NEGR1: variants seen among roughly 807,000 people sequenced by gnomAD.
The protein encoded by NEGR1 is neuronal growth regulator 1.
In NEGR1, 10 loss-of-function variants were observed where a neutral mutation model predicts 40.9. The observed-to-expected ratio is 0.24, with a 90% CI of 0.15 to 0.42. The LOEUF (loss-of-function observed/expected upper bound fraction) is 0.42. Ranked by LOEUF, NEGR1 falls within the 10% of genes least tolerant of loss-of-function variation. The pLI is 1.00. For synonymous variants in NEGR1, 185 were observed against 166.8 expected (o/e 1.11, Z -0.84); for missense variants, 352 against 438.9 (o/e 0.80, Z 1.77).
Position 71,592,899 on chromosome 1 carries a change from G to A in NEGR1, c.858C>T (p.Asn286=), listed in dbSNP as rs752179905. The change falls in exon 6 of 7, where the codon AAC becomes AAT. Residue 286 remains asparagine, a synonymous_variant. Coordinates refer to ENST00000357731, the MANE Select transcript of NEGR1 (RefSeq NM_173808.3). ...FSTRSILTVT[N]VTQEHFGNYT... ...AATTGCCGAAGTGCTCCTGTGTCAC[G>A]TTGGTAACAGTGAGAATGGATCTTG... is the stretch of plus-strand genomic sequence containing the variant. The A allele has an allele frequency of 7.5e-6, 12 of 1,609,244 alleles. No homozygotes were observed. Among genetic ancestry groups the A allele is most frequent in the African/African-American group, 1.3e-5 (1 of 74,926 alleles).
intron 1 of NEGR1, among the ~76,000 whole-genome samples, chr1:72,036,684 T>A (rs930363992): frequency 8.0e-5 from 12 of 150,430 alleles, no homozygotes; most frequent in Non-Finnish European, 1.6e-4. Flanking sequence ...AATATTAAAT[T>A]ACACAAATGG....
intron 4 of NEGR1, among the ~76,000 whole-genome samples, chr1:71,639,818 T>C (rs1233645741): frequency 2.0e-5 from 3 of 151,912 alleles, no homozygotes; most frequent in Non-Finnish European, 4.4e-5. Flanking sequence ...TCATGATACA[T>C]TAGTAGAGGG....
chr1:71,596,811 C>T (rs532198718), intron 5 of NEGR1, among the ~76,000 whole-genome samples: 1 of 152,062 alleles, frequency 6.6e-6, no homozygotes, highest in South Asian at 2.1e-4. Flanking sequence ...AGACTTCATT[C>T]CTAATGTAGG....
At chr1:71,779,672 A>G (rs901991190) in intron 2 of NEGR1, among the ~76,000 whole-genome samples, 1 of 151,822 alleles carries the variant, frequency 6.6e-6, no homozygotes, top group African/African-American at 2.4e-5. Context: ...GGTTGAAGTG[A>G]TTCTCCTGCC....
chr1:71,749,053 C>T (rs1047532525), intron 3 of NEGR1, among the ~76,000 whole-genome samples: 5 of 152,120 alleles, frequency 3.3e-5, no homozygotes, highest in Non-Finnish European at 7.4e-5. Flanking sequence ...AAGAATGATG[C>T]TTTCAATATT....
intron 1 of NEGR1, among the ~76,000 whole-genome samples, chr1:72,204,167 C>T (rs575475021): frequency 3.3e-5 from 5 of 152,088 alleles, no homozygotes; most frequent in East Asian, 1.9e-4. Flanking sequence ...AAAGTTACAC[C>T]GTGACAACTT....
intron 6 of NEGR1, among the ~76,000 whole-genome samples, chr1:71,502,998 C>T (rs1202963252): frequency 6.6e-6 from 1 of 152,010 alleles, no homozygotes; most frequent in East Asian, 1.9e-4. Context: ...GAAAAAGGAA[C>T]CAGAAATTCT....
intron 5 of NEGR1, among the ~76,000 whole-genome samples, chr1:71,601,223 G>C (rs1053128094): frequency 6.6e-6 from 1 of 152,096 alleles, no homozygotes; most frequent in Non-Finnish European, 1.5e-5. Context: ...AAAATGCTCA[G>C]CTTCACTAAT....
At position 72,117,351 on chromosome 1, in the gene NEGR1, C is replaced by T. The variant is rs1442047569; in HGVS notation, c.176+164968G>A. Reference sequence around the variant, plus strand: ...GATCCTTAAGCACAAGCCTCACTGGCTGCATTAGTTCCTCTATTATTCATA... The same window carrying T: ...GATCCTTAAGCACAAGCCTCACTGGTTGCATTAGTTCCTCTATTATTCATA... On this transcript the variant is annotated intron_variant, in intron 1 of 6. Coordinates refer to ENST00000357731, the MANE Select transcript of NEGR1 (RefSeq NM_173808.3). Among the ~76,000 whole-genome samples, 12 of 151,732 alleles carry T rather than the reference C, an allele frequency of 7.9e-5. No individual in the cohort carries two copies. In the Admixed American group the frequency reaches 7.9e-4, roughly 10 times the overall value.
intron 1 of NEGR1, among the ~76,000 whole-genome samples, chr1:72,019,246 T>C (rs1421015390): frequency 2.6e-5 from 4 of 152,170 alleles, no homozygotes; most frequent in Admixed American, 6.5e-5. Context: ...CTTAAAATAG[T>C]ATGGTAAAAT....
rs763692692 is a variant in NEGR1, at chr1:71,790,235, T to C, written c.410-13938A>G. Among the ~76,000 whole-genome samples the C allele has an allele frequency of 2.5e-4, 38 of 152,228 alleles. No homozygotes were observed. The Middle Eastern group carries it at 0.02, about 82-fold the overall frequency. On this transcript the variant is annotated intron_variant, in intron 2 of 6. Transcript: ENST00000357731. Reference sequence around the variant, plus strand: ...TAACTGGTCATGCCACTACAACTTGTATTGGTGGTAGATTCATGTCTATAT... The same window carrying C: ...TAACTGGTCATGCCACTACAACTTGCATTGGTGGTAGATTCATGTCTATAT...
chr1:71,735,012 G>C (rs1198026659), intron 3 of NEGR1, among the ~76,000 whole-genome samples: 1 of 151,808 alleles, frequency 6.6e-6, no homozygotes, highest in Admixed American at 6.6e-5. Flanking sequence ...GGAAATCTCT[G>C]TTACTCTGTT....
At chr1:71,915,142 AAAAT>A (rs1299388962) in intron 2 of NEGR1, among the ~76,000 whole-genome samples, 1 of 152,134 alleles carries the variant, frequency 6.6e-6, no homozygotes, top group Non-Finnish European at 1.5e-5. Flanking sequence ...TGACTGGACT[AAAAT>A]AAAAATAAAA....
rs150157930 is a variant in NEGR1, at chr1:71,442,421, C to A, written c.941-34851G>T. On this transcript the variant is annotated intron_variant, in intron 6 of 6. Coordinates refer to ENST00000357731, the MANE Select transcript of NEGR1 (RefSeq NM_173808.3). ...CTTGAGGTCAGGAGTTCGAGACCAG[C>A]CTGGAAACATGGTGAAATCCAGACT... 5.6e-3 allele frequency among the ~76,000 whole-genome samples: 849 copies of A among 151,996 alleles called. 6 individuals carry two copies. Among genetic ancestry groups the A allele is most frequent in the African/African-American group, 0.019 (809 of 41,492 alleles).
chr1:71,553,632 T>C (rs994266786), intron 6 of NEGR1, among the ~76,000 whole-genome samples: 5 of 151,618 alleles, frequency 3.3e-5, no homozygotes, highest in African/African-American at 4.8e-5. Flanking sequence ...CTGAAATATA[T>C]TGCTATAACA....
intron 6 of NEGR1, among the ~76,000 whole-genome samples, chr1:71,530,548 A>G (rs1179618306): frequency 6.6e-6 from 1 of 151,328 alleles, no homozygotes; most frequent in Non-Finnish European, 1.5e-5. Context: ...GGTGAGTTTC[A>G]TTTATAGCTG....
chr1:71,849,792 A>G (rs1486005961), intron 2 of NEGR1, among the ~76,000 whole-genome samples: 1 of 152,188 alleles, frequency 6.6e-6, no homozygotes, highest in Admixed American at 6.5e-5. Context: ...TTACAACCTG[A>G]TGAAGGCTCG....
chr1:72,231,382 C>T (rs757283625), intron 1 of NEGR1, among the ~76,000 whole-genome samples: 1 of 152,126 alleles, frequency 6.6e-6, no homozygotes, highest in South Asian at 2.1e-4. Context: ...CCTTACTCCA[C>T]CATTCAAGAA....
At chr1:71,753,862 G>A (rs1462600236) in intron 3 of NEGR1, among the ~76,000 whole-genome samples, 6 of 151,928 alleles carry the variant, frequency 3.9e-5, no homozygotes, top group Admixed American at 3.9e-4. Flanking sequence ...CACCTGGGAA[G>A]AGAAATGCTG....
Sources: allele counts gnomAD v4.1 joint callset (sites outside exome capture counted in the v4.1 genomes callset), GRCh38; gene constraint gnomAD v4.1.1; transcripts MANE v1.5; gene names NCBI Gene and HGNC (gene_info 2026-07-23, HGNC 2026-07-21).